Variants in CPED1 observed in about 807,000 individuals in gnomAD.
The protein encoded by CPED1 is cadherin-like and PC-esterase domain-containing protein 1.
Under a neutral mutation model 128.2 loss-of-function variants are expected in CPED1, and 114 were observed. The observed-to-expected ratio is 0.89, with a 90% confidence interval of 0.76 to 1.04. The LOEUF (loss-of-function observed/expected upper bound fraction) is 1.04, where lower values mean the gene tolerates loss of function less well. CPED1 is among the 50% of genes least tolerant of loss of function. The pLI is 0.00. For missense variants in CPED1, 1,211 were observed against 1,207.1 expected (o/e 1.00, Z -0.05); for synonymous variants, 462 against 426.7 (o/e 1.08, Z -1.02).
intron 18 of CPED1, among the ~76,000 whole-genome samples, chr7:121,253,155 C>T (rs1334724012): frequency 6.6e-6 from 1 of 151,900 alleles, no homozygotes; most frequent in Non-Finnish European, 1.5e-5. Context: ...AGTTCATGTC[C>T]TTTGTAGGGA....
intron 22 of CPED1, among the ~76,000 whole-genome samples, chr7:121,276,568 A>G (rs765181079): frequency 6.6e-6 from 1 of 152,164 alleles, no homozygotes; most frequent in Non-Finnish European, 1.5e-5. Flanking sequence ...CTTTGATAGC[A>G]CATCAGATAT....
intron 5 of CPED1, among the ~76,000 whole-genome samples, chr7:121,082,907 ATTCT>A (rs1351686541): frequency 6.6e-6 from 1 of 152,208 alleles, no homozygotes; most frequent in African/African-American, 2.4e-5. Context: ...ATTATTTATT[ATTCT>A]TTCATCAACT....
chr7:121,096,503 C>T (rs1794701306), intron 5 of CPED1, among the ~76,000 whole-genome samples: 1 of 152,098 alleles, frequency 6.6e-6, no homozygotes, highest in Non-Finnish European at 1.5e-5. Flanking sequence ...TTTTGGGAGG[C>T]AATCTGGTCA....
At chr7:121,112,524 A>G (rs1452399100) in intron 7 of CPED1, among the ~76,000 whole-genome samples, 2 of 152,202 alleles carry the variant, frequency 1.3e-5, no homozygotes, top group African/African-American at 2.4e-5. Flanking sequence ...TGTCCCTAAC[A>G]GCTTTAAGAG....
intron 18 of CPED1, among the ~76,000 whole-genome samples, chr7:121,251,887 C>T (rs1798680823): frequency 6.6e-6 from 1 of 151,150 alleles, no homozygotes; most frequent in African/African-American, 2.4e-5. Context: ...GGCCATACTG[C>T]CCAAGGTAAT....
intron 17 of CPED1, 133 bp downstream of exon 17, chr7:121,236,964 A>G (rs1798273987): frequency 6.7e-6 from 3 of 448,756 alleles, no homozygotes; most frequent in South Asian, 5.1e-5. Flanking sequence ...TATAAAGCAT[A>G]TAATTAATGT....
intron 2 of CPED1, among the ~76,000 whole-genome samples, chr7:121,001,177 A>G (rs1001099503): frequency 2.6e-5 from 4 of 152,152 alleles, no homozygotes; most frequent in Admixed American, 1.3e-4. Context: ...TTTGGCACCT[A>G]TAGATACAGT....
intron 3 of CPED1, among the ~76,000 whole-genome samples, chr7:121,042,524 G>A (rs994650137): frequency 6.6e-6 from 1 of 152,056 alleles, no homozygotes; most frequent in Non-Finnish European, 1.5e-5. Context: ...TACATGTAAG[G>A]CATCAATAGC....
intron 18 of CPED1, among the ~76,000 whole-genome samples, chr7:121,250,268 A>G (rs940883482): frequency 5.9e-5 from 9 of 152,016 alleles, no homozygotes; most frequent in Admixed American, 2.0e-4. Context: ...GTTCTTTGAA[A>G]CCAACGAGAA....
intron 4 of CPED1, among the ~76,000 whole-genome samples, chr7:121,060,320 G>T (rs368547212): frequency 6.6e-6 from 1 of 152,254 alleles, no homozygotes; most frequent in Non-Finnish European, 1.5e-5. Flanking sequence ...TGAGGAGTGC[G>T]GGCGCACGGC....
chr7:121,250,548 A>C (rs201668849), intron 18 of CPED1, among the ~76,000 whole-genome samples: 1 of 152,212 alleles, frequency 6.6e-6, no homozygotes, highest in Non-Finnish European at 1.5e-5. Context: ...TTTTTTGAAA[A>C]GATCAACAAA....
intron 5 of CPED1, among the ~76,000 whole-genome samples, chr7:121,086,228 C>G (rs1794423837): frequency 6.6e-6 from 1 of 152,000 alleles, no homozygotes; most frequent in Non-Finnish European, 1.5e-5. Flanking sequence ...TTGTAGCAGG[C>G]TATAAAAAGC....
intron 15 of CPED1, 74 bp from the exon 16 acceptor site, chr7:121,141,899 G>T: frequency 8.7e-7 from 1 of 1,150,358 alleles, no homozygotes; most frequent in Non-Finnish European, 1.3e-6. Flanking sequence ...AGTAAATATT[G>T]ATATATGAAT....
chr7:121,035,195 T>G (rs1465331062), intron 3 of CPED1, among the ~76,000 whole-genome samples: 1 of 152,150 alleles, frequency 6.6e-6, no homozygotes, highest in Non-Finnish European at 1.5e-5. Flanking sequence ...TTGGAGTAGA[T>G]GTGCAGGGAC....
At chr7:121,242,847 CTT>C (rs1798429741) in intron 17 of CPED1, among the ~76,000 whole-genome samples, 1 of 152,028 alleles carries the variant, frequency 6.6e-6, no homozygotes, top group South Asian at 2.1e-4. Flanking sequence ...GTTTCTCTCT[CTT>C]AATATACCTA....
At chr7:121,258,267 A>G (rs1791929830) in intron 18 of CPED1, among the ~76,000 whole-genome samples, 1 of 152,088 alleles carries the variant, frequency 6.6e-6, no homozygotes, top group African/African-American at 2.4e-5. Context: ...ATGTTTGTTG[A>G]ACCAAATATC....
intron 16 of CPED1, among the ~76,000 whole-genome samples, chr7:121,157,286 G>A (rs1364897688): frequency 6.6e-6 from 1 of 152,096 alleles, no homozygotes; most frequent in Non-Finnish European, 1.5e-5. Context: ...TAGGTTTTAG[G>A]TAAGCCTTTA....
chr7:121,065,192 A>C (rs2538492), intron 5 of CPED1, among the ~76,000 whole-genome samples: 134,317 of 152,130 alleles, frequency 0.88, 59,641 homozygotes, highest in Middle Eastern at 0.98. Context: ...GTAAAGACTG[A>C]AGTCATCGAC....
chr7:121,286,705 C>T (rs556357356), intron 22 of CPED1, among the ~76,000 whole-genome samples: 1 of 152,242 alleles, frequency 6.6e-6, no homozygotes, highest in African/African-American at 2.4e-5. Context: ...CACTGGATGA[C>T]ATGAGTCCCC....
Sources: gnomAD v4.1 joint callset for allele counts (sites outside exome capture counted in the v4.1 genomes callset) on GRCh38, gnomAD v4.1.1 for gene constraint, MANE v1.5 for transcripts, NCBI Gene and HGNC (gene_info 2026-07-23, HGNC 2026-07-21) for gene names.